The following CMTM7 variants were observed in gnomAD, a reference collection of about 807,000 sequenced individuals.
CMTM7 encodes CKLF-like MARVEL transmembrane domain-containing protein 7.
In CMTM7, 7 loss-of-function variants were observed where a neutral mutation model predicts 19.3. The ratio of observed to expected loss-of-function variants is 0.36; its 90% CI spans 0.21 to 0.68. The LOEUF is 0.68. CMTM7 is among the 30% of genes least tolerant of loss of function. The pLI, the probability that CMTM7 is intolerant of heterozygous loss-of-function variation, is 0.60. For missense variants in CMTM7, 193 were observed against 232.6 expected (o/e 0.83, Z 1.11); for synonymous variants, 87 against 99.3 (o/e 0.88, Z 0.74).
chr3:32,394,323 T>C (rs1158282064), intron 1 of CMTM7, among the ~76,000 whole-genome samples: 1 of 139,048 alleles, frequency 7.2e-6, no homozygotes, highest in African/African-American at 3.1e-5. Flanking sequence ...ATGCCACCCA[T>C]TGGGGCTTTC....
At chr3:32,401,135 A>C (rs1483065330) in intron 1 of CMTM7, among the ~76,000 whole-genome samples, 1 of 152,270 alleles carries the variant, frequency 6.6e-6, no homozygotes, top group East Asian at 1.9e-4. Context: ...AGTGACAGAC[A>C]GACTAGAAAA....
intron 1 of CMTM7, among the ~76,000 whole-genome samples, chr3:32,427,211 A>C (rs1337745423): frequency 1.3e-5 from 2 of 152,250 alleles, no homozygotes; most frequent in Non-Finnish European, 2.9e-5. Context: ...ACTTCTCCAG[A>C]CTAGCTGAGT....
At chr3:32,445,260 T>C (rs1458784582) in intron 2 of CMTM7, among the ~76,000 whole-genome samples, 2 of 152,222 alleles carry the variant, frequency 1.3e-5, no homozygotes, top group African/African-American at 4.8e-5. Context: ...TGAATAGAAA[T>C]GGCAGAGCAG....
chr3:32,454,586 T>C lies in CMTM7; in HGVS notation c.*332T>C. On this transcript the variant is annotated 3_prime_UTR_variant, in exon 5 of 5. Coordinates refer to ENST00000334983, the MANE Select transcript of CMTM7 (RefSeq NM_138410.4). ...TAGCACAGCTGAAGGGGTTTGTGAA[T>C]ACTCCCGCCTAAATCCCTTCTACTT... is the stretch of plus-strand genomic sequence containing the variant. The C allele has an allele frequency of 1.9e-6, 1 of 519,440 alleles. No homozygotes were observed. The highest frequency in any genetic ancestry group is 3.6e-6 in the Non-Finnish European group (1 of 276,238). 32.2% of individuals were successfully genotyped at this position (519,440 alleles called of 1,614,324 possible).
At chr3:32,420,889 G>A (rs1055938852) in intron 1 of CMTM7, among the ~76,000 whole-genome samples, 3 of 152,282 alleles carry the variant, frequency 2.0e-5, no homozygotes, top group African/African-American at 7.2e-5. Flanking sequence ...TTGCACAGAC[G>A]GAATCGCTTG....
intron 1 of CMTM7, among the ~76,000 whole-genome samples, chr3:32,399,601 T>C (rs969013007): frequency 4.6e-5 from 7 of 152,178 alleles, no homozygotes; most frequent in African/African-American, 1.7e-4. Flanking sequence ...TAGCTGTGAA[T>C]AGACCTGTTA....
At position 32,452,420 on chromosome 3, in the gene CMTM7, G is replaced by A; in HGVS notation, c.461G>A (p.Cys154Tyr). 2 of 1,614,124 alleles carry A rather than the reference G, an allele frequency of 1.2e-6. No homozygotes were observed. The highest frequency in any genetic ancestry group is 8.5e-7 in the Non-Finnish European group (1 of 1,180,038). ...AIFGFMATFL[C>Y]MASIWLSYKI... ...TTTGGTTTCATGGCCACCTTCCTCT[G>A]CATGGCAAGCATATGGCTGTCCTAT... Residue 154 changes from cysteine (C) to tyrosine (Y), a missense_variant, in exon 4 of 5, where the codon TGC becomes TAC. Coordinates refer to ENST00000334983, the MANE Select transcript of CMTM7 (RefSeq NM_138410.4).
chr3:32,413,885 G>T lies in CMTM7; in HGVS notation c.159+21820G>T, dbSNP rs115852999. On this transcript the variant is annotated intron_variant, in intron 1 of 4. Transcript: ENST00000334983. ...ATCCGCCGCAGGTTCCAAGAATGTG[G>T]CCTGCTGAGTCCCTCCCCACAAATT... 2.5e-3 allele frequency among the ~76,000 whole-genome samples: 379 copies of T among 152,176 alleles called. 1 individual carries two copies. Among genetic ancestry groups the T allele is most frequent in the African/African-American group, 8.9e-3 (368 of 41,508 alleles).
At chr3:32,445,551 C>T (rs1696741614) in intron 2 of CMTM7, among the ~76,000 whole-genome samples, 1 of 151,772 alleles carries the variant, frequency 6.6e-6, no homozygotes, top group South Asian at 2.1e-4. Context: ...CTTGGTCTAT[C>T]ATCCAGGCTG....
At chr3:32,451,066 G>A (rs1399241150) in intron 3 of CMTM7, 1 of 152,196 alleles carries the variant, frequency 6.6e-6, no homozygotes, top group East Asian at 1.9e-4. Flanking sequence ...TGGGGACCGG[G>A]ATGGTATATA....
At chr3:32,415,704 C>G (rs1396660957) in intron 1 of CMTM7, among the ~76,000 whole-genome samples, 1 of 152,202 alleles carries the variant, frequency 6.6e-6, no homozygotes, top group Non-Finnish European at 1.5e-5. Context: ...TACCTCCTTT[C>G]AGTAGTCTAG....
chr3:32,431,278 C>A (rs929750697), intron 1 of CMTM7, among the ~76,000 whole-genome samples: 1 of 152,178 alleles, frequency 6.6e-6, no homozygotes, highest in Non-Finnish European at 1.5e-5. Flanking sequence ...GAAAGAAATA[C>A]CTCGAAATGC....
chr3:32,424,623 G>A (rs1316154317), intron 1 of CMTM7, among the ~76,000 whole-genome samples: 1 of 137,666 alleles, frequency 7.3e-6, no homozygotes, highest in Admixed American at 8.5e-5. Context: ...AGACCACTGA[G>A]CCCTTGGGGA....
intron 1 of CMTM7, among the ~76,000 whole-genome samples, chr3:32,436,892 C>T (rs1453007365): frequency 1.3e-5 from 2 of 152,104 alleles, no homozygotes; most frequent in African/African-American, 4.8e-5. Context: ...AAAACTGCCT[C>T]TTGAGTTTTC....
At chr3:32,440,376 AGCCTGGGC>A (rs1696657713) in intron 1 of CMTM7, among the ~76,000 whole-genome samples, 1 of 151,994 alleles carries the variant, frequency 6.6e-6, no homozygotes, top group African/African-American at 2.4e-5. Flanking sequence ...ACTGCACTCC[AGCCTGGGC>A]AACAGAGTGA....
chr3:32,397,159 T>C (rs955022928), intron 1 of CMTM7, among the ~76,000 whole-genome samples: 2 of 151,944 alleles, frequency 1.3e-5, no homozygotes, highest in Admixed American at 1.3e-4. Context: ...AATTACAGAG[T>C]AGAGACTCTT....
At chr3:32,424,886 T>TC (rs1180170231) in intron 1 of CMTM7, among the ~76,000 whole-genome samples, 4 of 152,150 alleles carry the variant, frequency 2.6e-5, no homozygotes, top group African/African-American at 9.7e-5. Flanking sequence ...GCTCAAAAGA[T>TC]CTGTCCACCT....
chr3:32,419,485 A>T (rs1343422433), intron 1 of CMTM7, among the ~76,000 whole-genome samples: 6 of 152,204 alleles, frequency 3.9e-5, no homozygotes, highest in Non-Finnish European at 2.9e-5. Flanking sequence ...ATCAAGTATC[A>T]TGTTAGCTGT....
intron 1 of CMTM7, among the ~76,000 whole-genome samples, chr3:32,408,069 A>G (rs1174803612): frequency 6.6e-6 from 1 of 152,200 alleles, no homozygotes; most frequent in Non-Finnish European, 1.5e-5. Flanking sequence ...GTGCCCTTGT[A>G]AGAGACACAC....
Sources: gnomAD v4.1 joint callset for allele counts (sites outside exome capture counted in the v4.1 genomes callset) on GRCh38, gnomAD v4.1.1 for gene constraint, MANE v1.5 for transcripts, NCBI Gene and HGNC (gene_info 2026-07-23, HGNC 2026-07-21) for gene names.